Variants in PCBP3 observed in about 807,000 individuals in gnomAD.
The protein encoded by PCBP3 is poly(rC)-binding protein 3.
In PCBP3, 25 loss-of-function variants were observed where a neutral mutation model predicts 52.7. The observed-to-expected ratio is 0.47, with a 90% CI of 0.35 to 0.66. The LOEUF is 0.66. Ranked by LOEUF, PCBP3 falls within the 30% of genes least tolerant of loss-of-function variation. The pLI is 0.01. For missense variants in PCBP3, 391 were observed against 490.3 expected (o/e 0.80, Z 1.91); for synonymous variants, 162 against 183.0 (o/e 0.89, Z 0.93).
chr21:45,814,342 GGTGA>G (rs895681314), intron 4 of PCBP3, among the ~76,000 whole-genome samples: 3 of 150,828 alleles, frequency 2.0e-5, no homozygotes, highest in African/African-American at 7.3e-5. Flanking sequence ...GCTAGTGAGT[GGTGA>G]GTGAGTGGTG....
At chr21:45,883,681 G>A (rs1050367219) in intron 5 of PCBP3, among the ~76,000 whole-genome samples, 3 of 151,904 alleles carry the variant, frequency 2.0e-5, no homozygotes, top group Non-Finnish European at 4.4e-5. Context: ...TATTTTTTCC[G>A]ATATTAATAT....
intron 4 of PCBP3, chr21:45,762,491 CTTT>C (rs374275789): frequency 2.9e-5 from 3 of 104,666 alleles, no homozygotes; most frequent in Non-Finnish European, 5.7e-5. Context: ...CTTTTCTTCT[CTTT>C]TTTTTTTTTT....
chr21:45,880,967 C>G lies in PCBP3; in HGVS notation c.11-15241C>G, dbSNP rs900230590. On this transcript the variant is annotated intron_variant, in intron 5 of 17. Coordinates refer to ENST00000681687, the MANE Select transcript of PCBP3 (RefSeq NM_001384156.1). The surrounding 1 kb of genome is among the most constrained non-coding windows in gnomAD (Gnocchi z 5.4). Reference sequence around the variant, plus strand: ...GGGTGAGTCCAAGCTTAGAAGCTCACTGGCAGCGTCAGGCAGCTCATGCCC... The same window carrying G: ...GGGTGAGTCCAAGCTTAGAAGCTCAGTGGCAGCGTCAGGCAGCTCATGCCC... Among the ~76,000 whole-genome samples the G allele has an allele frequency of 6.6e-6, 1 of 152,248 alleles. No individual in the cohort carries two copies. Among genetic ancestry groups the G allele is most frequent in the African/African-American group, 2.4e-5 (1 of 41,474 alleles).
At chr21:45,911,146 G>C in intron 11 of PCBP3, 116 bp downstream of exon 11, 1 of 1,226,696 alleles carries the variant, frequency 8.2e-7, no homozygotes, top group Non-Finnish European at 1.2e-6. Flanking sequence ...TGGGGCTGTG[G>C]GGGGCTCCTG....
In PCBP3 at chr21:45,704,743, G is replaced by T. The variant is rs2083340928; in HGVS notation, c.-199-30649G>T. ...TCTGGAAGAACAGAAGTTGCTGCTG[G>T]CAGAGTTCCAAAACATGAAAATGTA... On this transcript the variant is annotated intron_variant, in intron 2 of 17. Coordinates refer to ENST00000681687, the MANE Select transcript of PCBP3 (RefSeq NM_001384156.1). The surrounding 1 kb of genome is among the most constrained non-coding windows in gnomAD (Gnocchi z 4.1). Among the ~76,000 whole-genome samples the T allele has an allele frequency of 6.6e-6, 1 of 152,186 alleles. No individual in the cohort carries two copies. The highest frequency in any genetic ancestry group is 1.5e-5 in the Non-Finnish European group (1 of 68,028).
intron 2 of PCBP3, among the ~76,000 whole-genome samples, chr21:45,698,546 TAGAGGAAAAGAA>T (rs1189002009): frequency 3.3e-5 from 5 of 152,156 alleles, no homozygotes; most frequent in Admixed American, 6.5e-5. Flanking sequence ...GCATGTGACA[TAGAGGAAAAGAA>T]AGAGCAGTCT....
chr21:45,941,760 C>A lies in PCBP3; in HGVS notation c.*54C>A. On this transcript the variant is annotated 3_prime_UTR_variant, in exon 18 of 18. Transcript: ENST00000681687. ...CCCACCTGCCAGAGCCTAAGGCCCC[C>A]GGCTCTCGCACTCTGTACAGCCCAC... is the stretch of plus-strand genomic sequence containing the variant. 2 of 1,473,756 alleles carry A rather than the reference C, an allele frequency of 1.4e-6. No homozygotes were observed. Among genetic ancestry groups the A allele is most frequent in the Non-Finnish European group, 1.9e-6 (2 of 1,069,976 alleles). The allele number at this position is 1,473,756 out of a possible 1,614,324, so 91.3% of individuals were successfully genotyped here. A position where few individuals can be genotyped will look rare whatever the true frequency, so the allele number is the denominator to read the frequency against.
chr21:45,644,306 G>C (rs1271705399), intron 1 of PCBP3, among the ~76,000 whole-genome samples: 1 of 151,726 alleles, frequency 6.6e-6, no homozygotes, highest in Non-Finnish European at 1.5e-5. Flanking sequence ...GGGGCGCGGG[G>C]CCTCCTCCCC....
chr21:45,770,184 A>G (rs1040892044), intron 4 of PCBP3, among the ~76,000 whole-genome samples: 2 of 152,224 alleles, frequency 1.3e-5, no homozygotes, highest in Non-Finnish European at 2.9e-5. Flanking sequence ...CTCTCCCCTG[A>G]AGTCAAATTA....
At chr21:45,849,362 C>T (rs187732399) in intron 4 of PCBP3, among the ~76,000 whole-genome samples, 21 of 152,120 alleles carry the variant, frequency 1.4e-4, no homozygotes, top group African/African-American at 5.1e-4. Context: ...CCCGCCACCA[C>T]CCTGGCTAAT....
At chr21:45,654,719 G>A (rs1026411839) in intron 1 of PCBP3, among the ~76,000 whole-genome samples, 1 of 151,970 alleles carries the variant, frequency 6.6e-6, no homozygotes, top group Non-Finnish European at 1.5e-5. Flanking sequence ...ACGTTTTGTG[G>A]GATATAATTC....
In PCBP3 at chr21:45,724,315, C is replaced by A. The variant is rs1375916765; in HGVS notation, c.-199-11077C>A. 6.6e-6 allele frequency among the ~76,000 whole-genome samples: 1 copy of A among 152,142 alleles called. No individual in the cohort carries two copies. The highest frequency in any genetic ancestry group is 2.4e-5 in the African/African-American group (1 of 41,408). ...CAGCTGTGACCCACCCCGCCCCCTC[C>A]CGGTGTTACCCTGAGTTATGAGAAT... On this transcript the variant is annotated intron_variant, in intron 2 of 17. Coordinates refer to ENST00000681687, the MANE Select transcript of PCBP3 (RefSeq NM_001384156.1). This position sits in a 1 kb window ranked among gnomAD's most constrained non-coding sequence, Gnocchi z 5.3.
intron 2 of PCBP3, among the ~76,000 whole-genome samples, chr21:45,687,777 T>A (rs1252375782): frequency 2.0e-5 from 3 of 151,706 alleles, no homozygotes; most frequent in Admixed American, 6.6e-5. Context: ...TTGCCCAGGC[T>A]GGAGTTGCAG....
At chr21:45,708,856 C>T (rs2083633176) in intron 2 of PCBP3, among the ~76,000 whole-genome samples, 1 of 152,238 alleles carries the variant, frequency 6.6e-6, no homozygotes, top group Admixed American at 6.5e-5. Context: ...TGTTCACACA[C>T]ATGTCCAGTT....
At chr21:45,645,088 T>G (rs2079168109) in intron 1 of PCBP3, among the ~76,000 whole-genome samples, 1 of 152,232 alleles carries the variant, frequency 6.6e-6, no homozygotes, top group Admixed American at 6.5e-5. Context: ...AGGGATCATT[T>G]GCAAGATCTG....
At chr21:45,839,046 G>A (rs1452439476) in intron 4 of PCBP3, among the ~76,000 whole-genome samples, 1 of 151,952 alleles carries the variant, frequency 6.6e-6, no homozygotes, top group Non-Finnish European at 1.5e-5. Flanking sequence ...GAACAAATGT[G>A]TGCATACATG....
intron 6 of PCBP3, among the ~76,000 whole-genome samples, chr21:45,898,229 G>A (rs1355816815): frequency 7.9e-5 from 12 of 152,272 alleles, no homozygotes; most frequent in African/African-American, 2.6e-4. Context: ...CTGTGGGGGA[G>A]GTGCCATGAT....
At chr21:45,941,497 G>A (rs929044697) in intron 17 of PCBP3, among the ~76,000 whole-genome samples, 173 bp from the exon 18 acceptor site, 2 of 152,160 alleles carry the variant, frequency 1.3e-5, no homozygotes, top group African/African-American at 4.8e-5. Flanking sequence ...GGGGACCAGG[G>A]CGGGGAAGAG....
chr21:45,677,617 C>T (rs2081550857), intron 2 of PCBP3, among the ~76,000 whole-genome samples: 1 of 152,180 alleles, frequency 6.6e-6, no homozygotes, highest in Non-Finnish European at 1.5e-5. Context: ...ACACCCATAG[C>T]TAGAGAAAAG....
Sources: gnomAD v4.1 joint callset for allele counts (sites outside exome capture counted in the v4.1 genomes callset) on GRCh38, gnomAD v4.1.1 for gene constraint, Gnocchi (gnomAD v3.1) non-coding constraint, MANE v1.5 for transcripts, NCBI Gene and HGNC (gene_info 2026-07-23, HGNC 2026-07-21) for gene names.